Variants in PCDHGB5 observed in about 807,000 individuals in gnomAD.
PCDHGB5 encodes the protein protocadherin gamma-B5.
Under a neutral mutation model 62.9 loss-of-function variants are expected in PCDHGB5, and 48 were observed. The ratio of observed to expected loss-of-function variants is 0.76; its 90% confidence interval spans 0.61 to 0.97. The LOEUF (loss-of-function observed/expected upper bound fraction) is 0.97, where lower values mean the gene tolerates loss of function less well. PCDHGB5 is among the 50% of genes least tolerant of loss of function. The pLI is 0.00. For synonymous variants in PCDHGB5, 474 were observed against 511.2 expected, an observed-to-expected ratio of 0.93 and a Z score of 0.98; for missense variants, 1,118 against 1,198.6, an observed-to-expected ratio of 0.93 and a Z score of 0.99.
chr5:141,413,816 T>A (rs1422730893), intron 1 of PCDHGB5: 1 of 1,613,128 alleles, frequency 6.2e-7, no homozygotes, highest in Non-Finnish European at 8.5e-7. Flanking sequence ...ATTCACCACC[T>A]GGTCCTCACC....
rs749995138 is a variant in PCDHGB5 at position 141,408,745 on chromosome 5, G to A, written c.2397+8221G>A. The A allele has an allele frequency of 3.7e-6, 6 of 1,609,862 alleles. No homozygotes were observed. In the African/African-American group the frequency reaches 4.0e-5, roughly 11 times the overall value. ...ACTCTAATCCTTATTTTTCATTAAT[G>A]GTTAGAGTTAATTCCGATGGTGGCA... On this transcript the variant is annotated intron_variant, in intron 1 of 3. Transcript: ENST00000617380.
intron 1 of PCDHGB5, among the ~76,000 whole-genome samples, chr5:141,443,514 C>T (rs1386662758): frequency 6.6e-6 from 1 of 152,056 alleles, no homozygotes; most frequent in Non-Finnish European, 1.5e-5. Flanking sequence ...AAGAGCTTCT[C>T]TCCTTATGAC....
chr5:141,499,260 G>T (rs2099790657), intron 2 of PCDHGB5, among the ~76,000 whole-genome samples: 1 of 152,028 alleles, frequency 6.6e-6, no homozygotes, highest in African/African-American at 2.4e-5. Context: ...GTCTCCATTT[G>T]GTCCCTAGAC....
At chr5:141,478,295 T>C (rs1210224121) in intron 1 of PCDHGB5, 5 of 1,614,004 alleles carry the variant, frequency 3.1e-6, no homozygotes, top group African/African-American at 2.7e-5. Flanking sequence ...TAGAGACCTA[T>C]ACCGAGCCCC....
chr5:141,400,727 G>A (rs2094067426), intron 1 of PCDHGB5: 2 of 649,836 alleles, frequency 3.1e-6, no homozygotes, highest in African/African-American at 1.8e-5. Flanking sequence ...GATTTACAAA[G>A]TAGTGAGAGT....
chr5:141,511,489 A>G lies in PCDHGB5; in HGVS notation c.*316A>G. 2.3e-6 allele frequency: 1 copy of G among 435,688 alleles called. No individual in the cohort carries two copies. Among genetic ancestry groups the G allele is most frequent in the Non-Finnish European group, 4.2e-6 (1 of 239,908 alleles). The allele number at this position is 435,688 out of a possible 1,614,324, so 27.0% of individuals were successfully genotyped here. ...CGTTTAGTTACAGCTGAACTCCTCC[A>G]TCTTCCAAATCAATCAGGCCCATCC... On this transcript the variant is annotated 3_prime_UTR_variant, in exon 4 of 4. Coordinates refer to ENST00000617380, the MANE Select transcript of PCDHGB5 (RefSeq NM_018925.3).
intron 1 of PCDHGB5, chr5:141,423,674 C>A (rs57195665): frequency 0.087 from 131,432 of 1,514,090 alleles, 6,254 homozygotes; most frequent in East Asian, 0.14. Flanking sequence ...AGATTTATTT[C>A]TCTGCCTCCT....
chr5:141,454,081 T>C (rs1009599234), intron 1 of PCDHGB5, among the ~76,000 whole-genome samples: 2 of 152,198 alleles, frequency 1.3e-5, no homozygotes, highest in African/African-American at 4.8e-5. Flanking sequence ...ATGTTTTCAG[T>C]GAAATTTGAA....
chr5:141,413,385 A>C, intron 1 of PCDHGB5: 1 of 1,613,990 alleles, frequency 6.2e-7, no homozygotes, highest in South Asian at 1.1e-5. Flanking sequence ...GAGTCCGCAT[A>C]GTCTCCAGAG....
chr5:141,407,970 C>T, intron 1 of PCDHGB5: 2 of 716,252 alleles, frequency 2.8e-6, no homozygotes, highest in Non-Finnish European at 4.3e-6. Context: ...CAAGCGCTGA[C>T]GCCGGGGATC....
intron 1 of PCDHGB5, among the ~76,000 whole-genome samples, chr5:141,453,080 A>T (rs1323212808): frequency 6.6e-6 from 1 of 151,960 alleles, no homozygotes; most frequent in Non-Finnish European, 1.5e-5. Context: ...ACTCTGGTTG[A>T]TTAGTATATT....
intron 1 of PCDHGB5, among the ~76,000 whole-genome samples, chr5:141,474,114 C>T (rs940809934): frequency 2.6e-5 from 4 of 152,224 alleles, no homozygotes; most frequent in South Asian, 2.1e-4. Context: ...ACAACAACAA[C>T]GAAAATCTCA....
At position 141,489,754 on chromosome 5, in the gene PCDHGB5, C is replaced by G; in HGVS notation, c.2398-5053C>G. 1 of 1,614,110 alleles carries G rather than the reference C, an allele frequency of 6.2e-7. No homozygotes were observed. The highest frequency in any genetic ancestry group is 8.5e-7 in the Non-Finnish European group (1 of 1,179,972). ...CACCAATACTGTGAGCTTTTACACT[C>G]TAAGCCCCAACAGCCACTTCTCTCT... On this transcript the variant is annotated intron_variant, in intron 1 of 3. Coordinates refer to ENST00000617380, the MANE Select transcript of PCDHGB5 (RefSeq NM_018925.3). The surrounding 1 kb of genome is among the most constrained non-coding windows in gnomAD (Gnocchi z 4.5).
At chr5:141,420,907 C>G (rs916293573) in intron 1 of PCDHGB5, 3 of 301,914 alleles carry the variant, frequency 9.9e-6, no homozygotes, top group Admixed American at 4.6e-5. Context: ...TCTACAAATA[C>G]GTGTGATTCA....
chr5:141,426,596 C>T (rs1408090148), intron 1 of PCDHGB5: 9 of 377,102 alleles, frequency 2.4e-5, no homozygotes, highest in Middle Eastern at 3.9e-4. Context: ...GTGTCATACC[C>T]TTAGAGATTG....
chr5:141,462,883 A>T (rs557432183), intron 1 of PCDHGB5, among the ~76,000 whole-genome samples: 9 of 152,230 alleles, frequency 5.9e-5, no homozygotes, highest in African/African-American at 2.2e-4. Context: ...GAACTATTGC[A>T]GTTTGTTTTG....
intron 1 of PCDHGB5, among the ~76,000 whole-genome samples, chr5:141,479,817 A>T (rs773702225): frequency 6.6e-6 from 1 of 152,230 alleles, no homozygotes; most frequent in Non-Finnish European, 1.5e-5. Flanking sequence ...CAAGGATACT[A>T]TCCAAGGCAT....
chr5:141,423,004 G>T lies in PCDHGB5; in HGVS notation c.2397+22480G>T, dbSNP rs1206727312. 2 of 1,614,116 alleles carry T rather than the reference G, an allele frequency of 1.2e-6. No individual in the cohort carries two copies. Among genetic ancestry groups the T allele is most frequent in the African/African-American group, 1.3e-5 (1 of 74,958 alleles). ...ACCTGGCTACCTGGTGACCAAGGTG[G>T]TTGCGGTGGACAAAGATTCAGGCCA... On this transcript the variant is annotated intron_variant, in intron 1 of 3. Transcript: ENST00000617380.
At chr5:141,429,387 T>A (rs372199649) in intron 1 of PCDHGB5, among the ~76,000 whole-genome samples, 4,783 of 151,430 alleles carry the variant, frequency 0.032, 106 homozygotes, top group African/African-American at 0.043. Context: ...GTTTTTTTTT[T>A]AAAAAAAATT....
Sources: gnomAD v4.1 joint callset for allele counts (sites outside exome capture counted in the v4.1 genomes callset) on GRCh38, gnomAD v4.1.1 for gene constraint, Gnocchi (gnomAD v3.1) non-coding constraint, MANE v1.5 for transcripts, NCBI Gene and HGNC (gene_info 2026-07-23, HGNC 2026-07-21) for gene names.